RAD51B: variants seen among roughly 807,000 people sequenced by gnomAD.
RAD51B encodes DNA repair protein RAD51 homolog 2.
RAD51B carries 38 observed loss-of-function variants against 42.2 expected under a neutral mutation model. The ratio of observed to expected loss-of-function variants is 0.90; its 90% CI spans 0.70 to 1.18. The LOEUF (loss-of-function observed/expected upper bound fraction) is 1.18, where lower values mean the gene tolerates loss of function less well. Among genes scored for constraint, RAD51B ranks in the 50% most tolerant of loss-of-function variants. The pLI is 0.00. For synonymous variants in RAD51B, 154 were observed against 145.2 expected (o/e 1.06, Z -0.43); for missense variants, 373 against 400.7 (o/e 0.93, Z 0.59).
At chr14:68,388,561 C>A in intron 8 of RAD51B, among the ~76,000 whole-genome samples, 1 of 152,176 alleles carries the variant, frequency 6.6e-6, no homozygotes, top group Non-Finnish European at 1.5e-5. Flanking sequence ...TTTCTCTCTC[C>A]TTTACTGTCC....
At chr14:67,923,960 C>T (rs1024921297) in intron 7 of RAD51B, among the ~76,000 whole-genome samples, 1 of 152,158 alleles carries the variant, frequency 6.6e-6, no homozygotes, top group Non-Finnish European at 1.5e-5. Context: ...TTTGGATTTG[C>T]ATTTCCCTGA....
At chr14:68,562,265 A>G (rs1421261118) in intron 10 of RAD51B, 2 of 985,320 alleles carry the variant, frequency 2.0e-6, no homozygotes, top group East Asian at 2.3e-4. Context: ...GGTGGGGGCC[A>G]GATCTTTGCA....
chr14:68,426,058 CTCTT>C (rs1163890246), intron 9 of RAD51B, among the ~76,000 whole-genome samples: 14 of 143,804 alleles, frequency 9.7e-5, no homozygotes, highest in Non-Finnish European at 7.6e-5. Flanking sequence ...CTCTCTCTCT[CTCTT>C]TCTTTCTTTC....
At chr14:67,834,730 G>A (rs763994377) in intron 3 of RAD51B, among the ~76,000 whole-genome samples, 4 of 151,964 alleles carry the variant, frequency 2.6e-5, no homozygotes, top group Non-Finnish European at 2.9e-5. Flanking sequence ...ATTTTAGCAC[G>A]GGCATCCAGC....
intron 5 of RAD51B, among the ~76,000 whole-genome samples, chr14:67,881,566 TCTC>T (rs1361815183): frequency 6.6e-6 from 1 of 152,136 alleles, no homozygotes; most frequent in African/African-American, 2.4e-5. Flanking sequence ...CCGATCCCCA[TCTC>T]CTCAACTCAG....
chr14:68,459,407 T>C (rs1466367334), intron 9 of RAD51B, among the ~76,000 whole-genome samples: 3 of 152,216 alleles, frequency 2.0e-5, no homozygotes, highest in Non-Finnish European at 4.4e-5. Context: ...TCGCAGACAC[T>C]TGGCATAGCT....
chr14:68,479,140 C>T (rs768058353), downstream of RAD51B, among the ~76,000 whole-genome samples: 7 of 152,150 alleles, frequency 4.6e-5, no homozygotes, highest in Non-Finnish European at 8.8e-5. Flanking sequence ...GACCATGTGT[C>T]TCCCTCTGAG....
intron 7 of RAD51B, among the ~76,000 whole-genome samples, chr14:68,239,429 C>G (rs745943915): frequency 2.6e-5 from 4 of 152,178 alleles, no homozygotes; most frequent in Non-Finnish European, 4.4e-5. Flanking sequence ...TCATCACACG[C>G]TGATCCTCCA....
chr14:68,156,228 G>A (rs894124830), intron 7 of RAD51B, among the ~76,000 whole-genome samples: 12 of 152,134 alleles, frequency 7.9e-5, no homozygotes, highest in Admixed American at 5.2e-4. Context: ...GTGTGCATGC[G>A]CCAAGTGTTT....
chr14:67,845,566 G>A lies in RAD51B; in HGVS notation c.315+10370G>A, dbSNP rs182508489. ...GCCTGTAGTCCCAGCTACTCAGGAG[G>A]CTGAGGTGGGAGGACTGCTTGGGCC... is the stretch of plus-strand genomic sequence containing the variant. On this transcript the variant is annotated intron_variant, in intron 4 of 10. Coordinates refer to ENST00000471583, the MANE Select transcript of RAD51B (RefSeq NM_133510.4). 4.2e-3 allele frequency among the ~76,000 whole-genome samples: 643 copies of A among 152,230 alleles called. 6 individuals are homozygous for A. The highest frequency in any genetic ancestry group is 4.3e-3 in the Non-Finnish European group (291 of 68,006).
At chr14:68,431,089 T>C (rs149976940) in intron 9 of RAD51B, among the ~76,000 whole-genome samples, 26,956 of 151,930 alleles carry the variant, frequency 0.18, 5,088 homozygotes, top group African/African-American at 0.48. Context: ...CCTTGCATCC[T>C]AGGGATGAAG....
chr14:68,488,814 T>C (rs1350836915), intron 10 of RAD51B, among the ~76,000 whole-genome samples: 1 of 152,244 alleles, frequency 6.6e-6, no homozygotes, highest in Non-Finnish European at 1.5e-5. Context: ...ACAACTGTCA[T>C]GAAAAATTTC....
rs535811892 is a variant in RAD51B, at chr14:68,322,872, A to G, written c.853+30892A>G. Among the ~76,000 whole-genome samples, 6 of 152,328 alleles carry G rather than the reference A, an allele frequency of 3.9e-5. No homozygotes were observed. The East Asian group carries it at 1.2e-3, about 29-fold the overall frequency. ...TGCCTACAAGCAGAAAGCTTAAGGC[A>G]TTGGCTTTGTGTAATTACCAGGAAT... On this transcript the variant is annotated intron_variant, in intron 8 of 10. Coordinates refer to ENST00000471583, the MANE Select transcript of RAD51B (RefSeq NM_133510.4).
intron 10 of RAD51B, among the ~76,000 whole-genome samples, chr14:68,569,855 A>G (rs1366219276): frequency 6.6e-6 from 1 of 152,172 alleles, no homozygotes; most frequent in Admixed American, 6.5e-5. Context: ...GGAACAGGCC[A>G]AGCTAACCCT....
At chr14:68,096,576 T>C (rs560595005) in intron 7 of RAD51B, among the ~76,000 whole-genome samples, 12 of 152,332 alleles carry the variant, frequency 7.9e-5, no homozygotes, top group African/African-American at 2.9e-4. Context: ...CTTTCTGTGG[T>C]TGAGCTTTCA....
intron 10 of RAD51B, among the ~76,000 whole-genome samples, chr14:68,640,789 G>A (rs1892444964): frequency 6.6e-6 from 1 of 152,206 alleles, no homozygotes; most frequent in East Asian, 1.9e-4. Context: ...TGGACTTCTT[G>A]TGAGTTTTGT....
At chr14:68,625,633 C>T (rs545145471) in intron 10 of RAD51B, among the ~76,000 whole-genome samples, 3 of 152,314 alleles carry the variant, frequency 2.0e-5, no homozygotes, top group Admixed American at 2.0e-4. Context: ...GGTTCCTGCA[C>T]AGGCACCAGG....
intron 10 of RAD51B, chr14:68,497,545 A>T: frequency 9.6e-7 from 1 of 1,045,130 alleles, no homozygotes; most frequent in African/African-American, 1.7e-5. Context: ...TGAAATTTAT[A>T]TAAGATGAAA....
chr14:68,546,331 G>A (rs1044894925), intron 10 of RAD51B, among the ~76,000 whole-genome samples: 1 of 152,202 alleles, frequency 6.6e-6, no homozygotes, highest in African/African-American at 2.4e-5. Context: ...CCTTGGTGAG[G>A]GAGAGGGAGG....
Sources: gnomAD v4.1 joint callset for allele counts (sites outside exome capture counted in the v4.1 genomes callset) on GRCh38, gnomAD v4.1.1 for gene constraint, MANE v1.5 for transcripts, NCBI Gene and HGNC (gene_info 2026-07-23, HGNC 2026-07-21) for gene names.